The following PEAK1 variants were observed in gnomAD, a reference collection of about 807,000 sequenced individuals.
PEAK1 encodes the protein pseudopodium enriched atypical kinase 1, also known as inactive tyrosine-protein kinase PEAK1.
In PEAK1, 54 loss-of-function variants were observed where a neutral mutation model predicts 124.7. The ratio of observed to expected loss-of-function variants is 0.43; its 90% CI spans 0.35 to 0.54. The LOEUF is 0.54. Among genes scored for constraint, PEAK1 ranks in the 20% least tolerant of loss-of-function variants. The pLI, the probability that PEAK1 is intolerant of heterozygous loss-of-function variation, is 0.01. For synonymous variants in PEAK1, 719 were observed against 760.0 expected, an observed-to-expected ratio of 0.95 and a Z score of 0.89; for missense variants, 2,046 against 2,134.5, an observed-to-expected ratio of 0.96 and a Z score of 0.82.
At chr15:77,295,619 C>G (rs899359739) in intron 2 of PEAK1, among the ~76,000 whole-genome samples, 3 of 152,144 alleles carry the variant, frequency 2.0e-5, no homozygotes, top group Non-Finnish European at 4.4e-5. Context: ...AAAACACTAC[C>G]TCAAGACTGT....
At chr15:77,151,334 T>G (rs1447114637) in intron 8 of PEAK1, among the ~76,000 whole-genome samples, 1 of 152,212 alleles carries the variant, frequency 6.6e-6, no homozygotes, top group Non-Finnish European at 1.5e-5. Flanking sequence ...TCTGTTCATA[T>G]CCTTTGCCCA....
chr15:77,343,034 C>T (rs926351563), intron 2 of PEAK1, among the ~76,000 whole-genome samples: 21 of 152,172 alleles, frequency 1.4e-4, no homozygotes, highest in Non-Finnish European at 3.1e-4. Flanking sequence ...GAAAAAATGC[C>T]ATACTGTTTT....
At chr15:77,263,935 T>G (rs975901851) in intron 5 of PEAK1, among the ~76,000 whole-genome samples, 2 of 151,594 alleles carry the variant, frequency 1.3e-5, no homozygotes, top group Non-Finnish European at 1.5e-5. Flanking sequence ...CAACCTGGGA[T>G]GCAAGGCTGG....
At position 77,158,659 on chromosome 15, in the gene PEAK1, G is replaced by A. The variant is rs374560887; in HGVS notation, c.3175C>T (p.Arg1059Trp). ...THEVTEDFSP[R>W]DPRTVVGKQD... is the part of the protein sequence containing the mutation. ...TTCCCAACAACAGTTCTTGGATCCC[G>A]AGGAGAAAAATCCTCTGTTACTTCA... The change falls in exon 8 of 10, where the codon CGG (arginine) becomes TGG (tryptophan). Residue 1059 changes from arginine to tryptophan, a missense_variant. Coordinates refer to ENST00000682557, the MANE Select transcript of PEAK1 (RefSeq NM_001385026.1). 43 of 1,613,942 alleles carry A rather than the reference G, an allele frequency of 2.7e-5. No homozygotes were observed. Among genetic ancestry groups the A allele is most frequent in the East Asian group, 1.8e-4 (8 of 44,882 alleles).
At chr15:77,419,331 G>A (rs575046956) in intron 1 of PEAK1, 1 of 985,200 alleles carries the variant, frequency 1.0e-6, no homozygotes, top group African/African-American at 1.7e-5. Flanking sequence ...CGGTTCAGAC[G>A]GCAAGTCCCC....
chr15:77,393,460 A>G (rs1222879478), intron 1 of PEAK1, among the ~76,000 whole-genome samples: 2 of 152,160 alleles, frequency 1.3e-5, no homozygotes, highest in African/African-American at 4.8e-5. Context: ...ACAGTAGGAC[A>G]GGCCACCAAG....
intron 2 of PEAK1, chr15:77,335,126 G>A: frequency 2.0e-6 from 2 of 985,424 alleles, no homozygotes; most frequent in Non-Finnish European, 2.4e-6. Flanking sequence ...TCTGGTCAAA[G>A]AGCCAAGAGA....
intron 6 of PEAK1, among the ~76,000 whole-genome samples, chr15:77,250,096 AG>A (rs1409741841): frequency 2.0e-5 from 3 of 149,178 alleles, no homozygotes; most frequent in Non-Finnish European, 4.4e-5. Flanking sequence ...CCACAAGTAG[AG>A]GTTTAACCCA....
chr15:77,140,518 G>GA (rs1171334898), intron 8 of PEAK1, among the ~76,000 whole-genome samples: 4 of 152,026 alleles, frequency 2.6e-5, no homozygotes, highest in Admixed American at 6.6e-5. Flanking sequence ...AATAGATGCA[G>GA]AAAAAACATT....
At chr15:77,286,925 T>C (rs187611384) in intron 2 of PEAK1, among the ~76,000 whole-genome samples, 26 of 152,264 alleles carry the variant, frequency 1.7e-4, no homozygotes, top group Non-Finnish European at 3.5e-4. Context: ...ATATAAAACT[T>C]TGATAATCCA....
intron 2 of PEAK1, among the ~76,000 whole-genome samples, chr15:77,359,085 A>C (rs2067714533): frequency 6.6e-6 from 1 of 152,194 alleles, no homozygotes; most frequent in Non-Finnish European, 1.5e-5. Context: ...GTTATGAAAT[A>C]CCCATAGTTA....
chr15:77,345,882 T>G, intron 2 of PEAK1: 1 of 970,488 alleles, frequency 1.0e-6, no homozygotes, highest in Non-Finnish European at 1.2e-6. Flanking sequence ...TACATATCAA[T>G]AAGTAATTTA....
rs1244496110 is a variant in PEAK1, at chr15:77,110,789, G to A, written c.*3367C>T. On this transcript the variant is annotated 3_prime_UTR_variant, in exon 10 of 10. Coordinates refer to ENST00000682557, the MANE Select transcript of PEAK1 (RefSeq NM_001385026.1). Reference sequence around the variant, plus strand: ...ACGTTGTTGTTCCACAGGTTACAGTGACTCTTTTTCTCATCCTGCTGTTAT... The same window carrying A: ...ACGTTGTTGTTCCACAGGTTACAGTAACTCTTTTTCTCATCCTGCTGTTAT... 6.6e-6 allele frequency: 1 copy of A among 152,172 alleles called. No homozygotes were observed. The highest frequency in any genetic ancestry group is 1.9e-4 in the East Asian group (1 of 5,200). 9.4% of individuals were successfully genotyped at this position (152,172 alleles called of 1,614,324 possible). A position where few individuals can be genotyped will look rare whatever the true frequency, so the allele number is the denominator to read the frequency against.
intron 1 of PEAK1, among the ~76,000 whole-genome samples, chr15:77,412,569 T>C (rs1413749176): frequency 1.3e-5 from 2 of 152,218 alleles, no homozygotes; most frequent in Non-Finnish European, 2.9e-5. Flanking sequence ...TATTTTTATA[T>C]ACAGAAATAC....
intron 1 of PEAK1, among the ~76,000 whole-genome samples, chr15:77,392,463 T>C (rs759047900): frequency 8.5e-5 from 13 of 152,200 alleles, no homozygotes; most frequent in Non-Finnish European, 4.4e-5. Context: ...TTAAGACCAA[T>C]GCAATTCAAG....
At chr15:77,175,984 T>C (rs1048873107) in intron 7 of PEAK1, among the ~76,000 whole-genome samples, 1 of 152,034 alleles carries the variant, frequency 6.6e-6, no homozygotes, top group Admixed American at 6.5e-5. Context: ...ATCATCATTC[T>C]CAGTAAACTA....
At chr15:77,404,068 A>G (rs756450363) in intron 1 of PEAK1, 17 of 984,788 alleles carry the variant, frequency 1.7e-5, no homozygotes, top group Non-Finnish European at 2.0e-5. Flanking sequence ...TTTACTGACC[A>G]TTCTGAGAGT....
intron 6 of PEAK1, among the ~76,000 whole-genome samples, chr15:77,189,003 C>T (rs2057691795): frequency 6.6e-6 from 1 of 152,026 alleles, no homozygotes; most frequent in Non-Finnish European, 1.5e-5. Context: ...GAGTTTGAGA[C>T]CAGCCTGGCC....
rs754247773 is a variant in PEAK1 at position 77,115,084 on chromosome 15, GA to G, written c.4312del (p.Ser1438LeufsTer14). The G allele has an allele frequency of 1.2e-6, 2 of 1,614,142 alleles. No individual in the cohort carries two copies. Among genetic ancestry groups the G allele is most frequent in the Non-Finnish European group, 1.7e-6 (2 of 1,180,040 alleles). On this transcript the variant is annotated frameshift_variant, in exon 10 of 10. Transcript: ENST00000682557. LOFTEE classifies it high-confidence loss of function. Reference sequence around the variant, plus strand: ...CTCTTTCTGGGATGATGCTGCTTCAGAACAGGGCTTTGGGTTTTTCCCATCC... The same window carrying G: ...CTCTTTCTGGGATGATGCTGCTTCAGACAGGGCTTTGGGTTTTTCCCATCC... ...ETDGKNPKPC[S>X]EAASSQKENQ...
Sources: gnomAD v4.1 joint callset for allele counts (sites outside exome capture counted in the v4.1 genomes callset) on GRCh38, gnomAD v4.1.1 for gene constraint, MANE v1.5 for transcripts, NCBI Gene and HGNC (gene_info 2026-07-23, HGNC 2026-07-21) for gene names.